Variants in KLHL3 observed in about 807,000 individuals in gnomAD.
KLHL3 encodes kelch-like protein 3.
Under a neutral mutation model 70.5 loss-of-function variants are expected in KLHL3, and 19 were observed. The observed-to-expected ratio is 0.27, with a 90% confidence interval of 0.19 to 0.40. The LOEUF is 0.40. KLHL3 is among the 10% of genes least tolerant of loss of function. The probability of loss-of-function intolerance (pLI) is 1.00; values close to 1 mark genes in which losing one functional copy is unlikely to be tolerated. For missense variants in KLHL3, 512 were observed against 771.1 expected (o/e 0.66, Z 3.98); for synonymous variants, 258 against 290.3 (o/e 0.89, Z 1.13).
Position 137,628,250 on chromosome 5 carries a change from A to T in KLHL3, c.1591+47T>A, listed in dbSNP as rs199773512. The T allele has an allele frequency of 5.2e-5, 84 of 1,607,458 alleles. No homozygotes were observed. In the African/African-American group the frequency reaches 9.6e-4, roughly 18 times the overall value. On this transcript the variant is annotated intron_variant, in intron 13 of 14. Coordinates refer to ENST00000309755, the MANE Select transcript of KLHL3 (RefSeq NM_017415.3). ...GTTTAGAGCCAGTGTCTTCAGGGAGAAAAGGCACACAACCCCCAAAGGGGA... is the reference window on the plus strand; with the variant it reads ...GTTTAGAGCCAGTGTCTTCAGGGAGTAAAGGCACACAACCCCCAAAGGGGA...
At chr5:137,735,604 C>A in intron 1 of KLHL3, 29 bp downstream of exon 1, 1 of 1,558,628 alleles carries the variant, frequency 6.4e-7, no homozygotes, top group Non-Finnish European at 8.9e-7. Flanking sequence ...CATACACACA[C>A]AACACAGCAC....
intron 12 of KLHL3, among the ~76,000 whole-genome samples, chr5:137,631,087 AAAAGAG>A (rs1750625705): frequency 6.7e-6 from 1 of 148,352 alleles, no homozygotes; most frequent in African/African-American, 2.6e-5. Context: ...AAAAAAAAAA[AAAAGAG>A]AGAGAGAGAG....
At chr5:137,636,036 G>T (rs1750758923) in intron 11 of KLHL3, among the ~76,000 whole-genome samples, 1 of 152,140 alleles carries the variant, frequency 6.6e-6, no homozygotes, top group Non-Finnish European at 1.5e-5. Flanking sequence ...GAGAAGAAAT[G>T]AGAAGGTGGC....
intron 13 of KLHL3, among the ~76,000 whole-genome samples, chr5:137,626,647 A>C (rs1479317714): frequency 5.9e-5 from 9 of 152,242 alleles, no homozygotes; most frequent in African/African-American, 2.2e-4. Context: ...AATACTGGTG[A>C]GACGAAAAAA....
chr5:137,712,627 G>A (rs1417664071), intron 2 of KLHL3, among the ~76,000 whole-genome samples: 1 of 152,170 alleles, frequency 6.6e-6, no homozygotes, highest in African/African-American at 2.4e-5. Context: ...ATTTACCTGG[G>A]ATCCTATGGG....
chr5:137,680,574 C>T (rs1330417837), intron 5 of KLHL3, among the ~76,000 whole-genome samples: 11 of 146,962 alleles, frequency 7.5e-5, no homozygotes, highest in Non-Finnish European at 1.3e-4. Context: ...GACAGAGTTT[C>T]GCTATTTGCC....
intron 7 of KLHL3, among the ~76,000 whole-genome samples, chr5:137,658,483 A>C (rs1192635191): frequency 2.6e-5 from 4 of 152,188 alleles, no homozygotes; most frequent in Non-Finnish European, 5.9e-5. Context: ...CTGGCATTAG[A>C]CCAGATCCAC....
chr5:137,700,171 TAAG>T (rs1289212502), intron 3 of KLHL3, among the ~76,000 whole-genome samples: 1 of 152,182 alleles, frequency 6.6e-6, no homozygotes, highest in Non-Finnish European at 1.5e-5. Context: ...CCTCCACCCA[TAAG>T]ACAGGATCCA....
intron 8 of KLHL3, among the ~76,000 whole-genome samples, chr5:137,642,033 G>T (rs576151638): frequency 4.6e-5 from 7 of 152,258 alleles, no homozygotes; most frequent in African/African-American, 1.7e-4. Context: ...CAGTTCAAGG[G>T]GGATGTTAAT....
At chr5:137,700,802 T>G (rs915849691) in intron 3 of KLHL3, among the ~76,000 whole-genome samples, 2 of 152,202 alleles carry the variant, frequency 1.3e-5, no homozygotes, top group African/African-American at 4.8e-5. Context: ...TGAGAAAGCT[T>G]GTAGAATCCA....
chr5:137,690,337 A>G (rs1034667066), intron 5 of KLHL3, among the ~76,000 whole-genome samples: 5 of 152,038 alleles, frequency 3.3e-5, no homozygotes, highest in Non-Finnish European at 5.9e-5. Context: ...AAAAAAAAAA[A>G]AAAAAATCTG....
Position 137,628,420 on chromosome 5 carries a change from C to T in KLHL3, c.1468G>A (p.Gly490Arg), listed in dbSNP as rs1750538541. 4 of 1,614,190 alleles carry T rather than the reference C, an allele frequency of 2.5e-6. No individual in the cohort carries two copies. The highest frequency in any genetic ancestry group is 1.7e-5 in the Admixed American group (1 of 60,030). The change falls in exon 13 of 15, where the codon GGA becomes AGA. Residue 490 changes from glycine (G) to arginine (R), a missense_variant. Physicochemically the swap from Gly to Arg is moderately radical, Grantham distance 125. Coordinates refer to ENST00000309755, the MANE Select transcript of KLHL3 (RefSeq NM_017415.3). ...TGCCCACCTGTGGCGTACAGCTGTC[C>T]GCTAAGCACTCCAACCCCTGAAAGG... ...RSGAGVGVLS[G>R]QLYATGGHDG...
At position 137,639,682 on chromosome 5, in the gene KLHL3, A is replaced by C. The variant is rs1750860541; in HGVS notation, c.1021+178T>G. Among the ~76,000 whole-genome samples the C allele has an allele frequency of 6.7e-6, 1 of 149,118 alleles. No homozygotes were observed. Among genetic ancestry groups the C allele is most frequent in the African/African-American group, 2.5e-5 (1 of 40,148 alleles). ...GCACTCCAACCTGGGTGACAGAGAA[A>C]GACTCTGTCTTAAAACAACGACAAC... On this transcript the variant is annotated intron_variant, in intron 9 of 14. Transcript: ENST00000309755. This position sits in a 1 kb window ranked among gnomAD's most constrained non-coding sequence, Gnocchi z 5.0.
intron 5 of KLHL3, among the ~76,000 whole-genome samples, chr5:137,684,924 G>C (rs1752126569): frequency 6.6e-6 from 1 of 152,184 alleles, no homozygotes; most frequent in Non-Finnish European, 1.5e-5. Context: ...GAACTTCCCT[G>C]AGGGGGAAAC....
At chr5:137,673,789 T>A (rs759013819) in intron 6 of KLHL3, 1 of 151,524 alleles carries the variant, frequency 6.6e-6, no homozygotes, top group Non-Finnish European at 1.5e-5. Flanking sequence ...CCTCAAGGCA[T>A]CTGAGGGCAG....
chr5:137,638,097 G>C (rs997376407), intron 10 of KLHL3, among the ~76,000 whole-genome samples: 5 of 152,166 alleles, frequency 3.3e-5, no homozygotes, highest in Non-Finnish European at 5.9e-5. Flanking sequence ...TTAAGGCAGA[G>C]TATAATCAGG....
At chr5:137,705,285 T>C (rs909993541) in intron 3 of KLHL3, among the ~76,000 whole-genome samples, 12 of 152,236 alleles carry the variant, frequency 7.9e-5, no homozygotes, top group African/African-American at 2.9e-4. Context: ...TGGTAGAGTC[T>C]GGCTTGCAGC....
intron 6 of KLHL3, among the ~76,000 whole-genome samples, chr5:137,668,954 C>T (rs1384117993): frequency 1.3e-5 from 2 of 150,046 alleles, no homozygotes; most frequent in Non-Finnish European, 1.5e-5. Context: ...TGAAGTCTCC[C>T]TAGAAACCTA....
At chr5:137,640,739 C>CT (rs961641082) in intron 8 of KLHL3, among the ~76,000 whole-genome samples, 12 of 151,962 alleles carry the variant, frequency 7.9e-5, no homozygotes, top group African/African-American at 1.9e-4. Context: ...AGCCACCCCC[C>CT]CCAACTCCTG....
Sources: allele counts gnomAD v4.1 joint callset (sites outside exome capture counted in the v4.1 genomes callset), GRCh38; gene constraint gnomAD v4.1.1; non-coding constraint Gnocchi (gnomAD v3.1); transcripts MANE v1.5; gene names NCBI Gene and HGNC (gene_info 2026-07-23, HGNC 2026-07-21).